Variants in ZNF532 observed in about 807,000 individuals in gnomAD.
ZNF532 encodes zinc finger protein 532.
A neutral mutation model predicts 89.3 loss-of-function variants in ZNF532; 22 were observed. The observed-to-expected ratio is 0.25, with a 90% confidence interval of 0.18 to 0.35. The LOEUF (loss-of-function observed/expected upper bound fraction) is 0.35. Among genes scored for constraint, ZNF532 ranks in the 10% least tolerant of loss-of-function variants. The pLI is 1.00. For missense variants in ZNF532, 1,132 were observed against 1,643.4 expected (o/e 0.69, Z 5.38); for synonymous variants, 606 against 649.6 (o/e 0.93, Z 1.02).
At chr18:58,938,393 A>G (rs1268848391) in intron 4 of ZNF532, among the ~76,000 whole-genome samples, 2 of 152,238 alleles carry the variant, frequency 1.3e-5, no homozygotes, top group African/African-American at 4.8e-5. Flanking sequence ...GGAGAAATGT[A>G]TCTTAGATTT....
intron 2 of ZNF532, among the ~76,000 whole-genome samples, chr18:58,873,029 G>T (rs1568210295): frequency 1.3e-5 from 2 of 151,758 alleles, no homozygotes; most frequent in Non-Finnish European, 2.9e-5. Context: ...TTTTTTTGAG[G>T]CAGGGTCTCA....
At position 58,912,490 on chromosome 18, in the gene ZNF532, C is replaced by T. The variant is rs1045930144; in HGVS notation, c.-17-5781C>T. Among the ~76,000 whole-genome samples, 3 of 152,132 alleles carry T rather than the reference C, an allele frequency of 2.0e-5. No homozygotes were observed. The East Asian group carries it at 5.8e-4, about 29-fold the overall frequency. On this transcript the variant is annotated intron_variant, in intron 2 of 9. Transcript: ENST00000591808. ...ATGAAGCTCTTGTGCTGAGAGGGGGCAGAGTGTGATCAGGGTGCCCAGCAG... is the reference window on the plus strand; with the variant it reads ...ATGAAGCTCTTGTGCTGAGAGGGGGTAGAGTGTGATCAGGGTGCCCAGCAG...
chr18:58,960,875 A>T (rs965072928), intron 7 of ZNF532, among the ~76,000 whole-genome samples: 33 of 152,208 alleles, frequency 2.2e-4, no homozygotes, highest in Non-Finnish European at 7.3e-5. Flanking sequence ...TGCAAGGCAG[A>T]TCTTAAATGC....
intron 3 of ZNF532, 91 bp downstream of exon 3, chr18:58,920,724 A>G (rs1402812924): frequency 2.8e-5 from 23 of 808,408 alleles, no homozygotes; most frequent in Non-Finnish European, 4.2e-5. Flanking sequence ...GTGGGAATGC[A>G]GTGAAATGGA....
intron 2 of ZNF532, among the ~76,000 whole-genome samples, chr18:58,885,627 G>A (rs2058246030): frequency 6.6e-6 from 1 of 152,034 alleles, no homozygotes; most frequent in East Asian, 1.9e-4. Context: ...GGCCGAGGAG[G>A]GTGAATTACT....
chr18:58,918,179 A>AATC (rs2060743085), intron 2 of ZNF532, 92 bp from the exon 3 acceptor site: 5 of 1,184,894 alleles, frequency 4.2e-6, no homozygotes, highest in Non-Finnish European at 5.9e-6. Flanking sequence ...CTTTCTTAGT[A>AATC]ATCGTTATGT....
At chr18:58,912,691 T>C (rs2060353334) in intron 2 of ZNF532, among the ~76,000 whole-genome samples, 1 of 152,222 alleles carries the variant, frequency 6.6e-6, no homozygotes, top group Non-Finnish European at 1.5e-5. Context: ...TCTGTGGCAT[T>C]TGTCACTGGC....
chr18:58,884,669 A>G (rs1366210328), intron 2 of ZNF532, among the ~76,000 whole-genome samples: 1 of 152,230 alleles, frequency 6.6e-6, no homozygotes, highest in Admixed American at 6.5e-5. Flanking sequence ...TAAAGTTGGT[A>G]TGAGTTTTCC....
At chr18:58,872,570 C>T (rs1401099380) in intron 2 of ZNF532, among the ~76,000 whole-genome samples, 1 of 152,314 alleles carries the variant, frequency 6.6e-6, no homozygotes, top group East Asian at 1.9e-4. Flanking sequence ...TCATTTTCTA[C>T]AGTGAGCCCA....
chr18:58,907,789 G>C (rs987531001), intron 2 of ZNF532, among the ~76,000 whole-genome samples: 1 of 152,180 alleles, frequency 6.6e-6, no homozygotes, highest in Non-Finnish European at 1.5e-5. Flanking sequence ...CTCCCAGCCA[G>C]TGAGTTCTGT....
At chr18:58,891,375 C>T (rs1313811337) in intron 2 of ZNF532, among the ~76,000 whole-genome samples, 3 of 152,080 alleles carry the variant, frequency 2.0e-5, no homozygotes, top group Non-Finnish European at 4.4e-5. Flanking sequence ...ACTAAAAATA[C>T]AAAAATTAGC....
In ZNF532 at chr18:58,953,583, C is replaced by T; in HGVS notation, c.2934C>T (p.Ser978=). Reference sequence around the variant, plus strand: ...ACTTGGGTATAAACTTGCCTTTGAGCATTAAGCCTGCAACTCAAAATTCAG... The same window carrying T: ...ACTTGGGTATAAACTTGCCTTTGAGTATTAAGCCTGCAACTCAAAATTCAG... The part of the protein sequence containing the change: ...PPNLGINLPL[S]IKPATQNSAN... The change falls in exon 7 of 10, where the codon AGC becomes AGT. Residue 978 remains serine, a synonymous_variant. Coordinates refer to ENST00000591808, the MANE Select transcript of ZNF532 (RefSeq NM_001375912.1). The T allele has an allele frequency of 6.2e-7, 1 of 1,613,684 alleles. No homozygotes were observed. Among genetic ancestry groups the T allele is most frequent in the Non-Finnish European group, 8.5e-7 (1 of 1,179,688 alleles).
chr18:58,973,073 A>C (rs1325569922), intron 7 of ZNF532, among the ~76,000 whole-genome samples: 1 of 152,164 alleles, frequency 6.6e-6, no homozygotes, highest in Admixed American at 6.5e-5. Context: ...GCTTACTGTA[A>C]GTTGGTGTTT....
intron 2 of ZNF532, among the ~76,000 whole-genome samples, chr18:58,882,833 G>A (rs2058030159): frequency 6.6e-6 from 1 of 152,212 alleles, no homozygotes; most frequent in African/African-American, 2.4e-5. Context: ...ATAAGCTTGG[G>A]TAATGCTAAA....
At chr18:58,970,433 CT>C (rs923760203) in intron 7 of ZNF532, among the ~76,000 whole-genome samples, 4 of 152,094 alleles carry the variant, frequency 2.6e-5, no homozygotes, top group Admixed American at 6.5e-5. Context: ...ACCAGGGAGG[CT>C]TCAAAGGTAG....
intron 5 of ZNF532, among the ~76,000 whole-genome samples, chr18:58,946,148 G>A (rs2063632909): frequency 1.3e-5 from 2 of 152,076 alleles, no homozygotes; most frequent in Non-Finnish European, 2.9e-5. Flanking sequence ...ACAATCCTAT[G>A]CCTTCTCTTT....
intron 9 of ZNF532, 73 bp downstream of exon 9, chr18:58,981,690 C>G (rs1490246657): frequency 1.3e-6 from 2 of 1,576,964 alleles, no homozygotes; most frequent in South Asian, 2.3e-5. Flanking sequence ...TTTTTCCTTT[C>G]AAGTTTTTGT....
chr18:58,928,907 G>A (rs2061734382), intron 3 of ZNF532, among the ~76,000 whole-genome samples: 1 of 152,134 alleles, frequency 6.6e-6, no homozygotes, highest in Non-Finnish European at 1.5e-5. Context: ...TAATGTGTTG[G>A]GATGTCATTG....
At chr18:58,923,814 G>A (rs916593948) in intron 3 of ZNF532, among the ~76,000 whole-genome samples, 7 of 151,944 alleles carry the variant, frequency 4.6e-5, no homozygotes, top group Admixed American at 3.9e-4. Flanking sequence ...CTGAAGTACC[G>A]GCAACTGTGC....
Sources: allele counts gnomAD v4.1 joint callset (sites outside exome capture counted in the v4.1 genomes callset), GRCh38; gene constraint gnomAD v4.1.1; transcripts MANE v1.5; gene names NCBI Gene and HGNC (gene_info 2026-07-23, HGNC 2026-07-21).